Variants in COL25A1 observed in about 807,000 individuals in gnomAD.
The protein encoded by COL25A1 is collagen type XXV alpha 1 chain, also known as collagen alpha-1(XXV) chain.
COL25A1 carries 103 observed loss-of-function variants against 128.4 expected under a neutral mutation model. The observed-to-expected ratio is 0.80, with a 90% CI of 0.68 to 0.94. The LOEUF (loss-of-function observed/expected upper bound fraction) is 0.94, where lower values mean the gene tolerates loss of function less well. Among genes scored for constraint, COL25A1 ranks in the 40% least tolerant of loss-of-function variants. COL25A1 has a pLI of 0.00. For missense variants in COL25A1, 745 were observed against 840.0 expected (o/e 0.89, Z 1.40); for synonymous variants, 279 against 277.2 (o/e 1.01, Z -0.06).
At chr4:108,813,957 A>T in intron 37 of COL25A1, 28 bp from the exon 38 acceptor site, 1 of 1,558,506 alleles carries the variant, frequency 6.4e-7, no homozygotes, top group Non-Finnish European at 8.8e-7. Flanking sequence ...AAAAAGACAA[A>T]TACATGGAAT....
chr4:109,264,771 A>C (rs1402398231), intron 3 of COL25A1, among the ~76,000 whole-genome samples: 2 of 152,170 alleles, frequency 1.3e-5, no homozygotes, highest in Non-Finnish European at 2.9e-5. Context: ...GCAACATGTG[A>C]TATCATTGGC....
At chr4:109,274,693 G>A (rs747935638) in intron 3 of COL25A1, among the ~76,000 whole-genome samples, 19 of 152,128 alleles carry the variant, frequency 1.2e-4, no homozygotes, top group South Asian at 4.1e-4. Context: ...AAGTACTTAA[G>A]ACCCCTGAAA....
At chr4:108,819,856 T>G in intron 35 of COL25A1, 1 of 1,231,960 alleles carries the variant, frequency 8.1e-7, no homozygotes, top group Non-Finnish European at 1.0e-6. Flanking sequence ...TGTTCTCCTT[T>G]CTCCCCTTTA....
Position 109,147,860 on chromosome 4 carries a change from T to C in COL25A1, c.368-97681A>G, listed in dbSNP as rs372233073. On this transcript the variant is annotated intron_variant, in intron 3 of 37. Coordinates refer to ENST00000399132, the MANE Select transcript of COL25A1 (RefSeq NM_198721.4). Reference sequence around the variant, plus strand: ...GTACTGGAGTATTTCTATTTACATATTTAAAAATGAGAATGTATTGCCTGT... The same window carrying C: ...GTACTGGAGTATTTCTATTTACATACTTAAAAATGAGAATGTATTGCCTGT... 1.1e-3 allele frequency among the ~76,000 whole-genome samples: 162 copies of C among 151,970 alleles called. 1 individual carries two copies. Among genetic ancestry groups the C allele is most frequent in the Middle Eastern group, 3.4e-3 (1 of 294 alleles).
At chr4:109,117,093 T>C (rs1767657809) in intron 3 of COL25A1, among the ~76,000 whole-genome samples, 1 of 151,522 alleles carries the variant, frequency 6.6e-6, no homozygotes, top group African/African-American at 2.4e-5. Context: ...GAAGTAATAT[T>C]TGTAACAATG....
At chr4:109,046,905 G>A (rs1024745678) in intron 5 of COL25A1, among the ~76,000 whole-genome samples, 1 of 152,148 alleles carries the variant, frequency 6.6e-6, no homozygotes, top group Non-Finnish European at 1.5e-5. Context: ...ACACTGCACA[G>A]TATAAACACT....
chr4:109,187,144 C>CT (rs1317005619), intron 3 of COL25A1, among the ~76,000 whole-genome samples: 1 of 139,224 alleles, frequency 7.2e-6, no homozygotes, highest in East Asian at 2.2e-4. Context: ...GCGATTATAC[C>CT]TTTTTTTAAT....
At chr4:108,952,313 A>G (rs1157195151) in intron 8 of COL25A1, among the ~76,000 whole-genome samples, 3 of 151,004 alleles carry the variant, frequency 2.0e-5, no homozygotes, top group Admixed American at 2.0e-4. Context: ...TTTGCAAATA[A>G]ACACAAAAAA....
At chr4:109,135,650 T>G (rs983170243) in intron 3 of COL25A1, among the ~76,000 whole-genome samples, 2 of 46,658 alleles carry the variant, frequency 4.3e-5, no homozygotes, top group Admixed American at 3.4e-4. Context: ...TAAATGGAGC[T>G]TTTTTTTTCT....
chr4:108,809,224 G>A lies in COL25A1; in HGVS notation c.*4703C>T, dbSNP rs1200949416. 5.3e-5 allele frequency: 8 copies of A among 151,816 alleles called. No homozygotes were observed. Among genetic ancestry groups the A allele is most frequent in the Admixed American group, 5.2e-4 (8 of 15,258 alleles). 9.4% of individuals were successfully genotyped at this position (151,816 alleles called of 1,614,324 possible). On this transcript the variant is annotated 3_prime_UTR_variant, in exon 38 of 38. Coordinates refer to ENST00000399132, the MANE Select transcript of COL25A1 (RefSeq NM_198721.4). ...TATTTCACTTATTTTGTATTTATGTGAGTTTTTGGCAATATAAAAATAGCT... is the reference window on the plus strand; with the variant it reads ...TATTTCACTTATTTTGTATTTATGTAAGTTTTTGGCAATATAAAAATAGCT...
At chr4:109,021,704 G>T (rs747281672) in intron 5 of COL25A1, 1 of 452,960 alleles carries the variant, frequency 2.2e-6, no homozygotes, top group African/African-American at 2.0e-5. Context: ...GCAAGTAGAA[G>T]AGATATCACC....
chr4:108,908,334 T>G (rs1560842291), intron 13 of COL25A1, among the ~76,000 whole-genome samples: 1 of 152,152 alleles, frequency 6.6e-6, no homozygotes, highest in Non-Finnish European at 1.5e-5. Flanking sequence ...CCTCTCTCCC[T>G]CTTCCACCTC....
At chr4:109,124,299 C>T (rs980204568) in intron 3 of COL25A1, among the ~76,000 whole-genome samples, 1 of 151,904 alleles carries the variant, frequency 6.6e-6, no homozygotes, top group Non-Finnish European at 1.5e-5. Context: ...TAATTAACGT[C>T]CTAAAATGTA....
At chr4:108,981,192 G>A (rs555378679) in intron 6 of COL25A1, among the ~76,000 whole-genome samples, 15 of 152,222 alleles carry the variant, frequency 9.9e-5, no homozygotes, top group South Asian at 4.2e-4. Context: ...TTTAGGTGAG[G>A]ATACATCCAC....
chr4:109,154,645 C>A (rs999783067), intron 3 of COL25A1, among the ~76,000 whole-genome samples: 8 of 152,136 alleles, frequency 5.3e-5, no homozygotes, highest in African/African-American at 1.9e-4. Flanking sequence ...AAGACACCGC[C>A]TAACACGAGT....
chr4:109,188,127 G>A (rs903132036), intron 3 of COL25A1, among the ~76,000 whole-genome samples: 1 of 152,136 alleles, frequency 6.6e-6, no homozygotes, highest in African/African-American at 2.4e-5. Context: ...ACTCTAAAGT[G>A]GGACTATAGA....
intron 5 of COL25A1, among the ~76,000 whole-genome samples, chr4:109,037,632 G>A (rs1009597352): frequency 6.6e-6 from 1 of 152,192 alleles, no homozygotes; most frequent in Non-Finnish European, 1.5e-5. Flanking sequence ...AAGTGTGTGG[G>A]TCTGTATTTA....
At chr4:109,170,817 G>T (rs776691127) in intron 3 of COL25A1, among the ~76,000 whole-genome samples, 1 of 151,970 alleles carries the variant, frequency 6.6e-6, no homozygotes, top group Admixed American at 6.6e-5. Flanking sequence ...CCTCAATCCC[G>T]TTGTCCAGGT....
At chr4:108,834,208 C>A in intron 31 of COL25A1, 1 of 778,730 alleles carries the variant, frequency 1.3e-6, no homozygotes, top group Non-Finnish European at 2.1e-6. Flanking sequence ...CCCCTTTTGC[C>A]GCCATCTTTG....
Sources: gnomAD v4.1 joint callset for allele counts (sites outside exome capture counted in the v4.1 genomes callset) on GRCh38, gnomAD v4.1.1 for gene constraint, MANE v1.5 for transcripts, NCBI Gene and HGNC (gene_info 2026-07-23, HGNC 2026-07-21) for gene names.